Variants in IGF1R observed in about 807,000 individuals in gnomAD.
The protein encoded by IGF1R is insulin like growth factor 1 receptor.
Under a neutral mutation model 144.6 loss-of-function variants are expected in IGF1R, and 44 were observed. The ratio of observed to expected loss-of-function variants is 0.30; its 90% CI spans 0.24 to 0.39. IGF1R has a LOEUF of 0.39. IGF1R is among the 10% of genes least tolerant of loss of function. The pLI is 1.00. For synonymous variants in IGF1R, 795 were observed against 722.8 expected (o/e 1.10, Z -1.60); for missense variants, 1,355 against 1,833.7 (o/e 0.74, Z 4.77).
At chr15:98,888,633 A>G (rs1005510018) in intron 2 of IGF1R, among the ~76,000 whole-genome samples, 4 of 152,178 alleles carry the variant, frequency 2.6e-5, no homozygotes, top group African/African-American at 4.8e-5. Flanking sequence ...GGGTTAGATT[A>G]GTTTTTGGAA....
chr15:98,928,842 G>A (rs2015828891), intron 13 of IGF1R, among the ~76,000 whole-genome samples: 1 of 152,022 alleles, frequency 6.6e-6, no homozygotes, highest in African/African-American at 2.4e-5. Flanking sequence ...TGGCTTCTGT[G>A]GTCTTAGACT....
At chr15:98,671,698 T>C (rs1208046267) in intron 1 of IGF1R, among the ~76,000 whole-genome samples, 1 of 152,240 alleles carries the variant, frequency 6.6e-6, no homozygotes, top group Non-Finnish European at 1.5e-5. Flanking sequence ...GGATCAGCCA[T>C]TTCCCACTTC....
In IGF1R at chr15:98,961,296, T is replaced by C; in HGVS notation, c.*3854T>C. 1 of 233,644 alleles carries C rather than the reference T, an allele frequency of 4.3e-6. No individual in the cohort carries two copies. Among genetic ancestry groups the C allele is most frequent in the Non-Finnish European group, 8.5e-6 (1 of 117,980 alleles). The allele number at this position is 233,644 out of a possible 1,614,324, so 14.5% of individuals were successfully genotyped here. A position where few individuals can be genotyped will look rare whatever the true frequency, so the allele number is the denominator to read the frequency against. On this transcript the variant is annotated 3_prime_UTR_variant, in exon 21 of 21. Transcript: ENST00000650285. ...CTGGTTATAAGGGTTTTGTTTAAAC[T>C]GTCCGAGTTACTGATGTCATTTTGT... is the stretch of plus-strand genomic sequence containing the variant.
intron 1 of IGF1R, among the ~76,000 whole-genome samples, chr15:98,652,003 C>T (rs567127679): frequency 1.5e-4 from 23 of 152,032 alleles, no homozygotes; most frequent in African/African-American, 5.6e-4. Context: ...GGCGTTCTTT[C>T]AGCTGTTGTC....
chr15:98,879,544 A>C (rs2013262481), intron 2 of IGF1R, among the ~76,000 whole-genome samples: 1 of 152,158 alleles, frequency 6.6e-6, no homozygotes, highest in African/African-American at 2.4e-5. Flanking sequence ...GACAGATTGG[A>C]TGTCTCTTAA....
At chr15:98,763,183 A>G (rs1199613646) in intron 2 of IGF1R, among the ~76,000 whole-genome samples, 1 of 152,220 alleles carries the variant, frequency 6.6e-6, no homozygotes, top group Admixed American at 6.5e-5. Context: ...AAACCAATGC[A>G]GTGTGTGTAA....
intron 2 of IGF1R, among the ~76,000 whole-genome samples, chr15:98,843,735 G>A: frequency 6.6e-6 from 1 of 152,102 alleles, no homozygotes; most frequent in Non-Finnish European, 1.5e-5. Flanking sequence ...GCTGGTTATA[G>A]GTCTTCAGTG....
intron 1 of IGF1R, among the ~76,000 whole-genome samples, chr15:98,664,967 T>G (rs2052696423): frequency 6.6e-6 from 1 of 151,142 alleles, no homozygotes; most frequent in South Asian, 2.1e-4. Context: ...TCATTTTTTT[T>G]TTTTTTTTTG....
At chr15:98,822,768 C>G (rs1433457913) in intron 2 of IGF1R, among the ~76,000 whole-genome samples, 20 of 152,180 alleles carry the variant, frequency 1.3e-4, no homozygotes, top group Admixed American at 1.3e-3. Flanking sequence ...AATCAGAAAG[C>G]AGTTGCTCCA....
Position 98,943,636 on chromosome 15 carries a change from G to A in IGF1R, c.3587+584G>A, listed in dbSNP as rs529851187. 1.1e-4 allele frequency among the ~76,000 whole-genome samples: 16 copies of A among 152,332 alleles called. 1 individual carries two copies. The South Asian group carries it at 3.3e-3, about 32-fold the overall frequency. On this transcript the variant is annotated intron_variant, in intron 19 of 20. Coordinates refer to ENST00000650285, the MANE Select transcript of IGF1R (RefSeq NM_000875.5). ...AAGCCCATCGACCGAGGGATCAGAG[G>A]CCTCTCAGTAGTATTGTTTATTGCA... is the stretch of plus-strand genomic sequence containing the variant.
chr15:98,837,177 T>C (rs2011104548), intron 2 of IGF1R, among the ~76,000 whole-genome samples: 1 of 152,188 alleles, frequency 6.6e-6, no homozygotes, highest in South Asian at 2.1e-4. Flanking sequence ...TGAGCAATCC[T>C]CCCATCTCAG....
rs765920940 is a variant in IGF1R, at chr15:98,707,635, G to A, written c.168G>A (p.Glu56=). The A allele has an allele frequency of 1.2e-6, 2 of 1,614,202 alleles. No homozygotes were observed. Among genetic ancestry groups the A allele is most frequent in the East Asian group, 2.2e-5 (1 of 44,892 alleles). ...LKRLENCTVI[E]GYLHILLISK... ...GCCTGGAGAACTGCACGGTGATCGA[G>A]GGCTACCTCCACATCCTGCTCATCT... Residue 56 remains glutamate, a synonymous_variant, in exon 2 of 21, where the codon GAG becomes GAA. Coordinates refer to ENST00000650285, the MANE Select transcript of IGF1R (RefSeq NM_000875.5). The surrounding 1 kb of genome is among the most constrained non-coding windows in gnomAD (Gnocchi z 6.7).
chr15:98,811,760 A>G (rs903324329), intron 2 of IGF1R, among the ~76,000 whole-genome samples: 6 of 151,484 alleles, frequency 4.0e-5, no homozygotes, highest in African/African-American at 1.5e-4. Flanking sequence ...CCCCGTGTCC[A>G]CTAAAAATAC....
intron 1 of IGF1R, among the ~76,000 whole-genome samples, chr15:98,697,402 G>T (rs2053619120): frequency 6.6e-6 from 1 of 152,156 alleles, no homozygotes; most frequent in South Asian, 2.1e-4. Context: ...CCTGCTTGTG[G>T]CTGTGTGCCC....
rs368303903 is a variant in IGF1R, at chr15:98,908,989, G to A, written c.1462+90G>A. On this transcript the variant is annotated intron_variant, in intron 6 of 20. Coordinates refer to ENST00000650285, the MANE Select transcript of IGF1R (RefSeq NM_000875.5). ...TGTGTGATGGCAGCTTTCCTCTGCGGCCCCTCCTGGTTTCACATGGGGGAC... is the reference window on the plus strand; with the variant it reads ...TGTGTGATGGCAGCTTTCCTCTGCGACCCCTCCTGGTTTCACATGGGGGAC... 2.4e-4 allele frequency: 283 copies of A among 1,194,534 alleles called. 1 individual carries two copies. In the South Asian group the frequency reaches 3.0e-3, roughly 13 times the overall value. 74.0% of individuals were successfully genotyped at this position (1,194,534 alleles called of 1,614,324 possible). A position where few individuals can be genotyped will look rare whatever the true frequency, so the allele number is the denominator to read the frequency against.
chr15:98,658,958 C>G (rs528037497), intron 1 of IGF1R, among the ~76,000 whole-genome samples: 2 of 152,336 alleles, frequency 1.3e-5, no homozygotes, highest in African/African-American at 4.8e-5. Context: ...TTTAAACATT[C>G]ATAGAAATCA....
chr15:98,713,230 A>G (rs913189384), intron 2 of IGF1R, among the ~76,000 whole-genome samples: 5 of 151,972 alleles, frequency 3.3e-5, no homozygotes, highest in African/African-American at 9.7e-5. Context: ...GCCCCACTGT[A>G]AATTCTGGGT....
At chr15:98,694,354 T>G (rs2053548753) in intron 1 of IGF1R, among the ~76,000 whole-genome samples, 1 of 152,144 alleles carries the variant, frequency 6.6e-6, no homozygotes, top group Admixed American at 6.5e-5. Context: ...GACAATCCAT[T>G]AGCATGCCTG....
chr15:98,696,044 T>G (rs1596197983), intron 1 of IGF1R, among the ~76,000 whole-genome samples: 1 of 105,116 alleles, frequency 9.5e-6, no homozygotes, highest in African/African-American at 3.5e-5. Flanking sequence ...TTTTTTTTTT[T>G]GGCAGCCACA....
Sources: gnomAD v4.1 joint callset for allele counts (sites outside exome capture counted in the v4.1 genomes callset) on GRCh38, gnomAD v4.1.1 for gene constraint, Gnocchi (gnomAD v3.1) non-coding constraint, MANE v1.5 for transcripts, NCBI Gene and HGNC (gene_info 2026-07-23, HGNC 2026-07-21) for gene names.